Variants in ZNF407 observed in about 807,000 individuals in gnomAD.
ZNF407 encodes zinc finger protein 407.
In ZNF407, 17 loss-of-function variants were observed where a neutral mutation model predicts 131.2. The ratio of observed to expected loss-of-function variants is 0.13; its 90% CI spans 0.09 to 0.19. The LOEUF (loss-of-function observed/expected upper bound fraction) is 0.19. Among genes scored for constraint, ZNF407 ranks in the 10% least tolerant of loss-of-function variants. ZNF407 has a pLI of 1.00. For synonymous variants in ZNF407, 1,156 were observed against 1,062.0 expected, an observed-to-expected ratio of 1.09 and a Z score of -1.72; for missense variants, 2,681 against 2,830.6, an observed-to-expected ratio of 0.95 and a Z score of 1.20.
At chr18:74,850,284 G>A (rs1970763126) in intron 4 of ZNF407, among the ~76,000 whole-genome samples, 1 of 151,778 alleles carries the variant, frequency 6.6e-6, no homozygotes, top group Non-Finnish European at 1.5e-5. Context: ...CATGGTTAAT[G>A]GATAGATTTC....
chr18:74,694,724 G>A (rs1305900352), intron 3 of ZNF407, among the ~76,000 whole-genome samples: 2 of 152,240 alleles, frequency 1.3e-5, no homozygotes, highest in East Asian at 1.9e-4. Context: ...GTCCTATTCT[G>A]TGCATTGTTC....
In ZNF407 at chr18:74,811,686, A is replaced by G. The variant is rs1370663158; in HGVS notation, c.4877+30184A>G. 6.2e-4 allele frequency among the ~76,000 whole-genome samples: 94 copies of G among 152,038 alleles called. 1 individual carries two copies. Among genetic ancestry groups the G allele is most frequent in the East Asian group, 1.9e-4 (1 of 5,180 alleles). ...TGGCACATATACACCATGGAATACTATGCAGCCATAAAAAATGATGAGTTC... is the reference window on the plus strand; with the variant it reads ...TGGCACATATACACCATGGAATACTGTGCAGCCATAAAAAATGATGAGTTC... On this transcript the variant is annotated intron_variant, in intron 4 of 8. Coordinates refer to ENST00000299687, the MANE Select transcript of ZNF407 (RefSeq NM_017757.3).
intron 4 of ZNF407, among the ~76,000 whole-genome samples, chr18:74,782,108 A>G (rs1969614408): frequency 6.6e-6 from 1 of 152,228 alleles, no homozygotes. Context: ...CCAGGTGAAC[A>G]TGGCTACTTC....
chr18:74,802,126 C>T (rs1257252280), intron 4 of ZNF407, among the ~76,000 whole-genome samples: 2 of 152,182 alleles, frequency 1.3e-5, no homozygotes, highest in African/African-American at 2.4e-5. Context: ...ATGAACATCT[C>T]TCAATTCTCA....
At chr18:74,876,430 C>G (rs1971157285) in intron 4 of ZNF407, among the ~76,000 whole-genome samples, 1 of 152,118 alleles carries the variant, frequency 6.6e-6, no homozygotes, top group Admixed American at 6.5e-5. Flanking sequence ...TGAACAGGGG[C>G]AGAAGATCAA....
chr18:74,774,431 A>G (rs1969425832), intron 3 of ZNF407, among the ~76,000 whole-genome samples: 1 of 152,224 alleles, frequency 6.6e-6, no homozygotes. Context: ...GCAAGTAAGT[A>G]TTTATATTGA....
At chr18:74,741,024 A>G (rs1968536450) in intron 3 of ZNF407, among the ~76,000 whole-genome samples, 1 of 152,200 alleles carries the variant, frequency 6.6e-6, no homozygotes, top group South Asian at 2.1e-4. Context: ...CAGTAGCAGT[A>G]GCTGGAAGGC....
At chr18:74,747,255 A>G (rs1316855391) in intron 3 of ZNF407, among the ~76,000 whole-genome samples, 1 of 152,192 alleles carries the variant, frequency 6.6e-6, no homozygotes, top group Non-Finnish European at 1.5e-5. Flanking sequence ...CTGCTTAAAC[A>G]GAAAACAGAA....
chr18:74,836,948 G>A (rs940498005), intron 4 of ZNF407, among the ~76,000 whole-genome samples: 15 of 152,252 alleles, frequency 9.9e-5, no homozygotes, highest in Non-Finnish European at 2.2e-4. Context: ...GATCAGTGAT[G>A]AGGCCCTTTA....
chr18:75,014,285 T>C (rs1371745987), intron 8 of ZNF407, among the ~76,000 whole-genome samples: 1 of 152,120 alleles, frequency 6.6e-6, no homozygotes, highest in African/African-American at 2.4e-5. Flanking sequence ...TAATTTTTTA[T>C]GGGGTTTGGT....
rs749054007 is a variant in ZNF407, at chr18:75,063,258, A to C, written c.5537A>C (p.Lys1846Thr). ...AAALAEEPLV[K>T]EKPLRSSRRP... ...GCCTTGGCAGAAGAGCCCCTCGTCA[A>C]GGAGAAGCCCCTCAGAAGCAGCAGG... The change falls in exon 9 of 9, where the codon AAG (lysine) becomes ACG (threonine). Residue 1846 changes from lysine to threonine, a missense_variant. By Grantham distance (78) the Lys-to-Thr change is moderately conservative (BLOSUM62 -1). Transcript: ENST00000299687. This position sits in a 1 kb window ranked among gnomAD's most constrained non-coding sequence, Gnocchi z 6.6. The C allele has an allele frequency of 1.2e-6, 2 of 1,613,584 alleles. No homozygotes were observed. Among genetic ancestry groups the C allele is most frequent in the South Asian group, 2.2e-5 (2 of 91,078 alleles).
chr18:74,698,036 A>T (rs1010759913), intron 3 of ZNF407, among the ~76,000 whole-genome samples: 3 of 152,198 alleles, frequency 2.0e-5, no homozygotes, highest in Non-Finnish European at 4.4e-5. Flanking sequence ...ATTTGATTAC[A>T]TTTATTCATT....
intron 8 of ZNF407, among the ~76,000 whole-genome samples, chr18:75,039,445 A>T (rs570142592): frequency 6.6e-6 from 1 of 152,332 alleles, no homozygotes; most frequent in East Asian, 1.9e-4. Flanking sequence ...TGTGTGGATG[A>T]TAAAGAGACT....
intron 3 of ZNF407, among the ~76,000 whole-genome samples, chr18:74,755,684 G>T (rs1968922621): frequency 6.9e-6 from 1 of 144,428 alleles, no homozygotes; most frequent in South Asian, 2.3e-4. Flanking sequence ...TGCCTCCTGA[G>T]TTCAAGCGAT....
At chr18:75,051,309 G>A (rs1973497730) in intron 8 of ZNF407, among the ~76,000 whole-genome samples, 1 of 152,158 alleles carries the variant, frequency 6.6e-6, no homozygotes, top group South Asian at 2.1e-4. Flanking sequence ...CTCTTTAATA[G>A]ATGGTAAATG....
At chr18:74,658,261 G>A (rs1985563845) in intron 3 of ZNF407, among the ~76,000 whole-genome samples, 2 of 152,188 alleles carry the variant, frequency 1.3e-5, no homozygotes, top group African/African-American at 4.8e-5. Context: ...TGGGATTACA[G>A]GAATGCGCCA....
At chr18:74,986,798 A>T (rs1053167315) in intron 8 of ZNF407, among the ~76,000 whole-genome samples, 1 of 152,202 alleles carries the variant, frequency 6.6e-6, no homozygotes, top group African/African-American at 2.4e-5. Context: ...AATGAAGAAT[A>T]TGCCGTATCC....
intron 1 of ZNF407, among the ~76,000 whole-genome samples, chr18:74,615,405 T>C (rs912718198): frequency 1.3e-5 from 2 of 152,206 alleles, no homozygotes; most frequent in Non-Finnish European, 2.9e-5. Flanking sequence ...CTCGGGAGGC[T>C]GAGACAGGAG....
At chr18:75,014,120 AGT>A (rs1023326023) in intron 8 of ZNF407, among the ~76,000 whole-genome samples, 23 of 152,248 alleles carry the variant, frequency 1.5e-4, no homozygotes, top group African/African-American at 5.5e-4. Flanking sequence ...GGTTAAAAAC[AGT>A]GTGAACTAAT....
Sources: allele counts gnomAD v4.1 joint callset (sites outside exome capture counted in the v4.1 genomes callset), GRCh38; gene constraint gnomAD v4.1.1; non-coding constraint Gnocchi (gnomAD v3.1); transcripts MANE v1.5; gene names NCBI Gene and HGNC (gene_info 2026-07-23, HGNC 2026-07-21).